The following ABCA10 variants were observed in gnomAD, a reference collection of about 807,000 sequenced individuals.
The protein encoded by ABCA10 is ATP-binding cassette sub-family A member 10.
In ABCA10, 169 loss-of-function variants were observed where a neutral mutation model predicts 187.5. The ratio of observed to expected loss-of-function variants is 0.90; its 90% CI spans 0.80 to 1.02. ABCA10 has a LOEUF of 1.02. Ranked by LOEUF, ABCA10 falls within the 50% of genes least tolerant of loss-of-function variation. The pLI, the probability that ABCA10 is intolerant of heterozygous loss-of-function variation, is 0.00. For synonymous variants in ABCA10, 574 were observed against 601.8 expected (o/e 0.95, Z 0.68); for missense variants, 1,727 against 1,812.4 (o/e 0.95, Z 0.86).
chr17:69,220,242 G>A (rs2074737568), intron 5 of ABCA10, among the ~76,000 whole-genome samples: 3 of 151,980 alleles, frequency 2.0e-5, no homozygotes, highest in Non-Finnish European at 2.9e-5. Context: ...GATTGGGGGA[G>A]GGGGGGTGGT....
intron 25 of ABCA10, among the ~76,000 whole-genome samples, chr17:69,171,808 T>TTTC (rs2074300046): frequency 2.0e-5 from 3 of 151,728 alleles, no homozygotes; most frequent in African/African-American, 7.3e-5. Context: ...ACTGTCAACC[T>TTTC]AGAAATGCAT....
At chr17:69,164,295 C>T (rs2074240109) in intron 26 of ABCA10, 141 bp from the exon 27 acceptor site, 1 of 641,326 alleles carries the variant, frequency 1.6e-6, no homozygotes, top group Non-Finnish European at 2.5e-6. Flanking sequence ...GAGTTGTTTT[C>T]TGATGCTAAA....
upstream of ABCA10, chr17:69,232,874 C>T (rs1291824867): frequency 6.6e-6 from 1 of 152,156 alleles, no homozygotes; most frequent in Non-Finnish European, 1.5e-5. Context: ...ACTCTGAATA[C>T]ATCATGTTCC....
intron 9 of ABCA10, among the ~76,000 whole-genome samples, chr17:69,213,694 T>TC (rs1385673404): frequency 3.3e-5 from 5 of 152,186 alleles, no homozygotes; most frequent in African/African-American, 1.2e-4. Flanking sequence ...GGCTGGGCCC[T>TC]CCCCATCTGC....
At chr17:69,154,078 TAA>T in intron 31 of ABCA10, 69 bp from the exon 32 acceptor site, 2 of 1,543,500 alleles carry the variant, frequency 1.3e-6, no homozygotes, top group African/African-American at 2.8e-5. Flanking sequence ...CTAAAGGAGA[TAA>T]AAGTGGCCAT....
chr17:69,214,740 A>G lies in ABCA10; in HGVS notation c.970T>C (p.Leu324=). 6.6e-7 allele frequency: 1 copy of G among 1,518,842 alleles called. No individual in the cohort carries two copies. The highest frequency in any genetic ancestry group is 8.8e-7 in the Non-Finnish European group (1 of 1,141,990). The allele number at this position is 1,518,842 out of a possible 1,614,324, so 94.1% of individuals were successfully genotyped here. A position where few individuals can be genotyped will look rare whatever the true frequency, so the allele number is the denominator to read the frequency against. ...FILAFDTLFY[L]IFTLYFERVL... ...CGCTCAAAATATAATGTGAATATCA[A>G]ATAGAAAAGAGTATCAAATGCCAAA... The change falls in exon 9 of 39, where the codon TTG becomes CTG. Residue 324 remains leucine (L), a synonymous_variant. Transcript: ENST00000690296.
At chr17:69,204,658 T>C (rs893188583) in intron 9 of ABCA10, among the ~76,000 whole-genome samples, 5 of 152,218 alleles carry the variant, frequency 3.3e-5, no homozygotes, top group South Asian at 2.1e-4. Flanking sequence ...GTTTAACCCA[T>C]CATAGGCTTC....
intron 9 of ABCA10, among the ~76,000 whole-genome samples, chr17:69,212,292 G>C (rs910354543): frequency 6.6e-6 from 1 of 152,076 alleles, no homozygotes; most frequent in Non-Finnish European, 1.5e-5. Context: ...GGTTCTGAGG[G>C]CTCCTTTTGG....
At chr17:69,211,348 T>TATG (rs2074655970) in intron 9 of ABCA10, among the ~76,000 whole-genome samples, 1 of 23,712 alleles carries the variant, frequency 4.2e-5, no homozygotes, top group Non-Finnish European at 1.0e-4. Context: ...TATATATATA[T>TATG]ATATATATAT....
chr17:69,223,622 C>T, intron 3 of ABCA10: 1 of 434,808 alleles, frequency 2.3e-6, no homozygotes, highest in Non-Finnish European at 4.6e-6. Context: ...TATGCTGTAG[C>T]CATACCTTTC....
intron 22 of ABCA10, among the ~76,000 whole-genome samples, chr17:69,181,169 TTTTGCA>T (rs1489188242): frequency 2.6e-5 from 4 of 152,208 alleles, no homozygotes; most frequent in Admixed American, 6.5e-5. Flanking sequence ...ATACACACTC[TTTTGCA>T]TTTGCATTAA....
At chr17:69,240,514 G>A (rs1166714818) in intron 1 of ABCA10, among the ~76,000 whole-genome samples, 1 of 152,218 alleles carries the variant, frequency 6.6e-6, no homozygotes, top group Non-Finnish European at 1.5e-5. Flanking sequence ...AGAGGAAATG[G>A]AGGGTTTGGA....
intron 10 of ABCA10, among the ~76,000 whole-genome samples, chr17:69,200,235 G>A (rs1055331083): frequency 1.3e-5 from 2 of 152,156 alleles, no homozygotes; most frequent in South Asian, 4.1e-4. Flanking sequence ...CTTTACATGT[G>A]ATAGCTCATT....
At chr17:69,215,602 CTTCT>C (rs1257803485) in intron 8 of ABCA10, 2 of 430,600 alleles carry the variant, frequency 4.6e-6, no homozygotes, top group African/African-American at 4.1e-5. Flanking sequence ...AATTATTTTT[CTTCT>C]TTAAATTTGC....
Position 69,221,804 on chromosome 17 carries a change from A to G in ABCA10, c.291T>C (p.Ala97=). ...GTTAGGCACTTACTTCTATAATTGCAGCATTAATTGCAGCTTGAAAAGCTA... is the reference window on the plus strand; with the variant it reads ...GTTAGGCACTTACTTCTATAATTGCGGCATTAATTGCAGCTTGAAAAGCTA... ...GFVAFQAAIN[A]AIIEVTTNHS... is the part of the protein sequence containing the mutation. Residue 97 remains alanine (A), a synonymous_variant, in exon 5 of 39, where the codon GCT becomes GCC. Coordinates refer to ENST00000690296, the MANE Select transcript of ABCA10 (RefSeq NM_001377321.1). The G allele has an allele frequency of 1.9e-6, 3 of 1,608,624 alleles. No individual in the cohort carries two copies. The highest frequency in any genetic ancestry group is 2.5e-6 in the Non-Finnish European group (3 of 1,178,292).
At chr17:69,230,802 T>C (rs2074827367), upstream of ABCA10, among the ~76,000 whole-genome samples, 1 of 152,160 alleles carries the variant, frequency 6.6e-6, no homozygotes, top group African/African-American at 2.4e-5. Flanking sequence ...AATCCTTCGA[T>C]CAAATTCTAT....
chr17:69,159,174 C>T (rs948266803), intron 27 of ABCA10, among the ~76,000 whole-genome samples: 2 of 151,906 alleles, frequency 1.3e-5, no homozygotes, highest in Admixed American at 6.6e-5. Context: ...AGCTACTATA[C>T]ATTCACTAAA....
chr17:69,185,204 G>A (rs1373096014), intron 20 of ABCA10, among the ~76,000 whole-genome samples: 1 of 152,082 alleles, frequency 6.6e-6, no homozygotes, highest in East Asian at 1.9e-4. Context: ...AGTGTACACT[G>A]CTCAGGTGAT....
chr17:69,178,256 T>C (rs1442987218), intron 22 of ABCA10, among the ~76,000 whole-genome samples: 2 of 151,546 alleles, frequency 1.3e-5, no homozygotes, highest in Non-Finnish European at 2.9e-5. Flanking sequence ...GAAAATGAGG[T>C]TATTAAGAGA....
Sources: gnomAD v4.1 joint callset for allele counts (sites outside exome capture counted in the v4.1 genomes callset) on GRCh38, gnomAD v4.1.1 for gene constraint, MANE v1.5 for transcripts, NCBI Gene and HGNC (gene_info 2026-07-23, HGNC 2026-07-21) for gene names.